GABRB1: variants seen among roughly 807,000 people sequenced by gnomAD.
GABRB1 encodes gamma-aminobutyric acid type A receptor subunit beta1, also known as gamma-aminobutyric acid receptor subunit beta-1.
In GABRB1, 17 loss-of-function variants were observed where a neutral mutation model predicts 51.6. The ratio of observed to expected loss-of-function variants is 0.33; its 90% CI spans 0.23 to 0.49. The LOEUF (loss-of-function observed/expected upper bound fraction) is 0.49. Ranked by LOEUF, GABRB1 falls within the 20% of genes least tolerant of loss-of-function variation. The probability of loss-of-function intolerance (pLI) is 0.99; values close to 1 mark genes in which losing one functional copy is unlikely to be tolerated. For missense variants in GABRB1, 410 were observed against 600.6 expected (o/e 0.68, Z 3.32); for synonymous variants, 247 against 218.9 (o/e 1.13, Z -1.14).
chr4:47,386,460 G>A (rs1727797832), intron 5 of GABRB1, among the ~76,000 whole-genome samples: 2 of 152,278 alleles, frequency 1.3e-5, no homozygotes, highest in Admixed American at 1.3e-4. Flanking sequence ...CATCAATACA[G>A]ACAATAAGAT....
At chr4:47,164,705 C>A (rs909056827) in intron 4 of GABRB1, among the ~76,000 whole-genome samples, 2 of 152,188 alleles carry the variant, frequency 1.3e-5, no homozygotes, top group Admixed American at 1.3e-4. Context: ...TATAACTTAA[C>A]TTACATGAAG....
At chr4:47,133,178 C>G (rs981242530) in intron 3 of GABRB1, among the ~76,000 whole-genome samples, 3 of 152,174 alleles carry the variant, frequency 2.0e-5, no homozygotes, top group Non-Finnish European at 2.9e-5. Flanking sequence ...TATTCTCTAG[C>G]ACCTTGAGCA....
chr4:47,203,733 C>T (rs1719998378), intron 4 of GABRB1, among the ~76,000 whole-genome samples: 2 of 152,030 alleles, frequency 1.3e-5, no homozygotes, highest in African/African-American at 2.4e-5. Context: ...ACCAGATTGC[C>T]ATGCATATTG....
In GABRB1 at chr4:47,116,579, T is replaced by G. The variant is rs187424054; in HGVS notation, c.241-44670T>G. ...TGGAACATATAGTGGTAAATTAGTTTGGCTGTTAAGTTAGGTGGGAAAATA... is the reference window on the plus strand; with the variant it reads ...TGGAACATATAGTGGTAAATTAGTTGGGCTGTTAAGTTAGGTGGGAAAATA... On this transcript the variant is annotated intron_variant, in intron 3 of 8. Transcript: ENST00000295454. Among the ~76,000 whole-genome samples the G allele has an allele frequency of 1.1e-3, 161 of 152,314 alleles. 1 individual carries two copies. Among genetic ancestry groups the G allele is most frequent in the African/African-American group, 3.7e-3 (154 of 41,576 alleles).
intron 4 of GABRB1, among the ~76,000 whole-genome samples, chr4:47,222,941 CT>C (rs1720816813): frequency 6.6e-6 from 1 of 151,970 alleles, no homozygotes; most frequent in Non-Finnish European, 1.5e-5. Context: ...ATTGTTTCTT[CT>C]AGATTTTTAG....
chr4:47,390,209 T>C (rs1371785065), intron 5 of GABRB1, among the ~76,000 whole-genome samples: 1 of 152,262 alleles, frequency 6.6e-6, no homozygotes, highest in Non-Finnish European at 1.5e-5. Context: ...AGACCTGGAT[T>C]GTTGCCTAAC....
chr4:47,375,037 G>A (rs2110022668), intron 5 of GABRB1, among the ~76,000 whole-genome samples: 1 of 152,350 alleles, frequency 6.6e-6, no homozygotes, highest in East Asian at 1.9e-4. Flanking sequence ...TAATATTTTA[G>A]CGATGTGCAT....
chr4:47,292,325 C>T (rs1244334934), intron 4 of GABRB1, among the ~76,000 whole-genome samples: 1 of 152,150 alleles, frequency 6.6e-6, no homozygotes, highest in Non-Finnish European at 1.5e-5. Flanking sequence ...TTGTAAATTG[C>T]CCAGTCTTGG....
chr4:47,359,340 C>T (rs987477604), intron 5 of GABRB1, among the ~76,000 whole-genome samples: 3 of 152,086 alleles, frequency 2.0e-5, no homozygotes, highest in African/African-American at 4.8e-5. Flanking sequence ...AGAAAAGCTG[C>T]CTTAACTCTT....
chr4:47,098,848 C>T (rs986293455), intron 3 of GABRB1, among the ~76,000 whole-genome samples: 8 of 151,690 alleles, frequency 5.3e-5, no homozygotes, highest in African/African-American at 1.7e-4. Context: ...ATAATAACCT[C>T]GAGTAGATAT....
In GABRB1 at chr4:47,425,941, G is replaced by A; in HGVS notation, c.1348G>A (p.Asp450Asn). 1 of 1,613,762 alleles carries A rather than the reference G, an allele frequency of 6.2e-7. No individual in the cohort carries two copies. The highest frequency in any genetic ancestry group is 8.5e-7 in the Non-Finnish European group (1 of 1,179,710). Residue 450 changes from aspartate to asparagine, a missense_variant, in exon 9 of 9, where the codon GAC becomes AAC. By Grantham distance (23) the Asp-to-Asn change is conservative (BLOSUM62 1). Around this residue, in one of 5 missense-constraint regions of GABRB1, gnomAD observed 181 missense variants for 195.6 expected, o/e 0.93. Coordinates refer to ENST00000295454, the MANE Select transcript of GABRB1 (RefSeq NM_000812.4). ...CGACTTGACTGATGTGAATTCCATA[G>A]ACAAGTGGTCCCGAATGTTTTTCCC... The part of the protein sequence containing the change: ...IPDLTDVNSI[D>N]KWSRMFFPIT...
At chr4:47,419,571 T>C (rs889205597) in intron 8 of GABRB1, among the ~76,000 whole-genome samples, 6 of 152,212 alleles carry the variant, frequency 3.9e-5, no homozygotes, top group African/African-American at 1.4e-4. Context: ...CCAGTGTTTG[T>C]ACAGGAGACT....
chr4:47,218,820 C>G (rs1002772706), intron 4 of GABRB1, among the ~76,000 whole-genome samples: 1 of 151,742 alleles, frequency 6.6e-6, no homozygotes, highest in Non-Finnish European at 1.5e-5. Context: ...AGTGCTCCAC[C>G]ATCTAATGCA....
chr4:47,019,607 T>TTC (rs1724851133), intron 1 of GABRB1, among the ~76,000 whole-genome samples: 1 of 84,198 alleles, frequency 1.2e-5, no homozygotes, highest in Non-Finnish European at 2.5e-5. Flanking sequence ...CCTTCCTCCC[T>TTC]TCTTTCTTTC....
chr4:47,050,859 T>A (rs1456812583), intron 3 of GABRB1, among the ~76,000 whole-genome samples: 1 of 152,184 alleles, frequency 6.6e-6, no homozygotes, highest in Non-Finnish European at 1.5e-5. Context: ...CACTCTCTTT[T>A]TCCATATGGT....
intron 4 of GABRB1, among the ~76,000 whole-genome samples, chr4:47,184,085 C>A (rs1201208854): frequency 6.6e-6 from 1 of 151,962 alleles, no homozygotes; most frequent in East Asian, 1.9e-4. Context: ...AAATTAAAAT[C>A]TTTTACCACC....
At chr4:47,163,151 T>G (rs531452129) in intron 4 of GABRB1, among the ~76,000 whole-genome samples, 3 of 152,174 alleles carry the variant, frequency 2.0e-5, no homozygotes, top group African/African-American at 7.2e-5. Context: ...TTATGTAAAT[T>G]TGTTAAGACT....
rs151142120 is a variant in GABRB1 at position 47,036,525 on chromosome 4, C to T, written c.240+4041C>T. ...ATGCTGATTGCTGGTATATAGATTG[C>T]ACTTTGAATATCAAGGTAGTACATT... is the stretch of plus-strand genomic sequence containing the variant. On this transcript the variant is annotated intron_variant, in intron 3 of 8. Transcript: ENST00000295454. Among the ~76,000 whole-genome samples, 37 of 152,264 alleles carry T rather than the reference C, an allele frequency of 2.4e-4. 1 individual carries two copies. The highest frequency in any genetic ancestry group is 8.9e-4 in the African/African-American group (37 of 41,556).
At chr4:47,356,208 T>A (rs1395163612) in intron 5 of GABRB1, among the ~76,000 whole-genome samples, 3 of 152,188 alleles carry the variant, frequency 2.0e-5, no homozygotes, top group South Asian at 4.1e-4. Flanking sequence ...CATCGTTATA[T>A]CCTTGGAGCC....
Sources: allele counts gnomAD v4.1 joint callset (sites outside exome capture counted in the v4.1 genomes callset), GRCh38; gene constraint gnomAD v4.1.1; regional missense constraint gnomAD v4.1.1; transcripts MANE v1.5; gene names NCBI Gene and HGNC (gene_info 2026-07-23, HGNC 2026-07-21).